TTC28: variants seen among roughly 807,000 people sequenced by gnomAD.
TTC28 encodes the protein tetratricopeptide repeat domain 28.
Under a neutral mutation model 198.0 loss-of-function variants are expected in TTC28, and 61 were observed. The ratio of observed to expected loss-of-function variants is 0.31; its 90% CI spans 0.25 to 0.38. The LOEUF (loss-of-function observed/expected upper bound fraction) is 0.38, where lower values mean the gene tolerates loss of function less well. TTC28 is among the 10% of genes least tolerant of loss of function. TTC28 has a pLI of 1.00. For missense variants in TTC28, 2,678 were observed against 3,164.0 expected (o/e 0.85, Z 3.69); for synonymous variants, 1,171 against 1,297.8 (o/e 0.90, Z 2.10).
At chr22:28,446,847 T>G (rs2047710568) in intron 2 of TTC28, among the ~76,000 whole-genome samples, 1 of 152,198 alleles carries the variant, frequency 6.6e-6, no homozygotes, top group South Asian at 2.1e-4. Flanking sequence ...TGCAGAGCAT[T>G]GAAGCTATAA....
chr22:28,452,389 C>CAAAAAAAAAAAA (rs71194768), intron 2 of TTC28, among the ~76,000 whole-genome samples: 1 of 43,226 alleles, frequency 2.3e-5, no homozygotes, highest in African/African-American at 9.4e-5. Flanking sequence ...GATTCCATCT[C>CAAAAAAAAAAAA]AAAAAAAAAA....
At chr22:28,337,332 G>A (rs2045744782) in intron 2 of TTC28, among the ~76,000 whole-genome samples, 2 of 152,218 alleles carry the variant, frequency 1.3e-5, no homozygotes, top group South Asian at 4.1e-4. Context: ...TTGGGGTGGA[G>A]AGTTCTGTAG....
At position 28,483,127 on chromosome 22, in the gene TTC28, G is replaced by A. The variant is rs918958824; in HGVS notation, c.381+146425C>T. On this transcript the variant is annotated intron_variant, in intron 2 of 22. Transcript: ENST00000397906. ...ATGTTTAACTTTTTGAGGAATGGCC[G>A]AGCTGTTTTCCACAGTCAAGCAAGC... 6.6e-5 allele frequency among the ~76,000 whole-genome samples: 10 copies of A among 152,124 alleles called. No individual in the cohort carries two copies. The East Asian group carries it at 9.6e-4, about 15-fold the overall frequency.
At chr22:28,512,341 T>A (rs1014758505) in intron 2 of TTC28, among the ~76,000 whole-genome samples, 1 of 152,184 alleles carries the variant, frequency 6.6e-6, no homozygotes, top group African/African-American at 2.4e-5. Flanking sequence ...TGTAAATTAG[T>A]TCAACCATTA....
intron 2 of TTC28, among the ~76,000 whole-genome samples, chr22:28,427,806 T>G (rs1043770292): frequency 6.6e-6 from 1 of 151,578 alleles, no homozygotes; most frequent in Non-Finnish European, 1.5e-5. Context: ...TAAATTAAAG[T>G]CAAATTCAGG....
chr22:28,155,687 G>A (rs993159377), intron 6 of TTC28, among the ~76,000 whole-genome samples: 1 of 152,174 alleles, frequency 6.6e-6, no homozygotes, highest in South Asian at 2.1e-4. Context: ...CCAATGTGGT[G>A]AGATTAGTGA....
chr22:28,092,088 T>C (rs1941832263), intron 12 of TTC28, among the ~76,000 whole-genome samples: 1 of 152,344 alleles, frequency 6.6e-6, no homozygotes, highest in African/African-American at 2.4e-5. Flanking sequence ...CCCATGCTTC[T>C]TGTCAACCTT....
chr22:28,295,564 A>C (rs1393652593), intron 5 of TTC28, among the ~76,000 whole-genome samples: 2 of 152,202 alleles, frequency 1.3e-5, no homozygotes, highest in Non-Finnish European at 2.9e-5. Context: ...ACTACCCCCA[A>C]GATCCCACAG....
chr22:28,166,425 T>G (rs547297227), intron 5 of TTC28, among the ~76,000 whole-genome samples: 31 of 152,316 alleles, frequency 2.0e-4, no homozygotes, highest in African/African-American at 7.5e-4. Flanking sequence ...TGGTTGGAAG[T>G]AAAGCACTCC....
In TTC28 at chr22:28,030,333, C is replaced by T. The variant is rs17483998; in HGVS notation, c.3966G>A (p.Ala1322=). ...ACASSETESE[A]GDIMDQQFEE... ...CAAATTGCTGGTCCATGATGTCTCC[C>T]GCTTCACTCTCTGTCTCACTGCTGG... is the stretch of plus-strand genomic sequence containing the variant. The change falls in exon 13 of 23, where the codon GCG becomes GCA. Residue 1322 remains alanine (A), a synonymous_variant. Transcript: ENST00000397906. 0.028 allele frequency: 44,186 copies of T among 1,551,762 alleles called. 682 individuals carry two copies. Among genetic ancestry groups the T allele is most frequent in the Non-Finnish European group, 0.032 (36,230 of 1,147,010 alleles).
intron 2 of TTC28, among the ~76,000 whole-genome samples, chr22:28,402,069 C>T (rs1285560646): frequency 1.3e-5 from 2 of 152,278 alleles, no homozygotes; most frequent in Middle Eastern, 3.4e-3. Context: ...TATGTACTCC[C>T]AAAGAATACA....
chr22:28,320,303 A>G (rs931752681), intron 2 of TTC28, among the ~76,000 whole-genome samples: 5 of 150,620 alleles, frequency 3.3e-5, no homozygotes, highest in African/African-American at 1.2e-4. Context: ...CATTTCCTAC[A>G]CTACACCCAT....
intron 2 of TTC28, among the ~76,000 whole-genome samples, chr22:28,432,749 T>C (rs2047452230): frequency 6.6e-6 from 1 of 152,260 alleles, no homozygotes; most frequent in African/African-American, 2.4e-5. Flanking sequence ...TAAGTTATTC[T>C]ACCTTTATTG....
chr22:28,151,558 T>C (rs1410508416), intron 6 of TTC28, among the ~76,000 whole-genome samples: 1 of 152,196 alleles, frequency 6.6e-6, no homozygotes, highest in Non-Finnish European at 1.5e-5. Context: ...TGACAAATCT[T>C]GACCTAAAGG....
In TTC28 at chr22:28,014,266, G is replaced by A; in HGVS notation, c.4200C>T (p.Leu1400=). 6.4e-7 allele frequency: 1 copy of A among 1,551,366 alleles called. No homozygotes were observed. The highest frequency in any genetic ancestry group is 8.7e-7 in the Non-Finnish European group (1 of 1,146,826). ...TGCTTACCCCTTCCATGGGCGCGATGAGCAGGTCATACAGGGCACGGAGCG... is the reference window on the plus strand; with the variant it reads ...TGCTTACCCCTTCCATGGGCGCGATAAGCAGGTCATACAGGGCACGGAGCG... ...KPPLRALYDL[L]IAPMEGGLMH... is the part of the protein sequence containing the mutation. The change falls in exon 14 of 23, where the codon CTC becomes CTT. Residue 1400 remains leucine, a synonymous_variant. Transcript: ENST00000397906.
rs576217837 is a variant in TTC28, at chr22:28,364,997, T to C, written c.382-58354A>G. Among the ~76,000 whole-genome samples, 8 of 152,322 alleles carry C rather than the reference T, an allele frequency of 5.3e-5. No individual in the cohort carries two copies. The South Asian group carries it at 1.2e-3, about 24-fold the overall frequency. On this transcript the variant is annotated intron_variant, in intron 2 of 22. Coordinates refer to ENST00000397906, the MANE Select transcript of TTC28 (RefSeq NM_001145418.2). ...AATTTCTACTGTGGGTAAAATACTA[T>C]CAAACAGCATTGCATGCTACAGAGA...
intron 5 of TTC28, among the ~76,000 whole-genome samples, chr22:28,208,623 A>G (rs1236737134): frequency 6.6e-6 from 1 of 152,216 alleles, no homozygotes; most frequent in Non-Finnish European, 1.5e-5. Flanking sequence ...TCACTCATAC[A>G]ATGATAACTT....
rs143359460 is a variant in TTC28 at position 28,079,035 on chromosome 22, G to A, written c.3932+15045C>T. Reference sequence around the variant, plus strand: ...TATAGGTGCTGTTGAAGGGTGGGCAGAGGCTAGATCACACAGGCATACAGG... The same window carrying A: ...TATAGGTGCTGTTGAAGGGTGGGCAAAGGCTAGATCACACAGGCATACAGG... On this transcript the variant is annotated intron_variant, in intron 12 of 22. Coordinates refer to ENST00000397906, the MANE Select transcript of TTC28 (RefSeq NM_001145418.2). 3.3e-5 allele frequency among the ~76,000 whole-genome samples: 5 copies of A among 152,350 alleles called. No individual in the cohort carries two copies. The East Asian group carries it at 9.6e-4, about 29-fold the overall frequency.
intron 5 of TTC28, among the ~76,000 whole-genome samples, chr22:28,259,995 A>G (rs1931209435): frequency 6.6e-6 from 1 of 152,126 alleles, no homozygotes; most frequent in Non-Finnish European, 1.5e-5. Flanking sequence ...CTGTCTATGC[A>G]TTTATCAGGA....
Sources: allele counts gnomAD v4.1 joint callset (sites outside exome capture counted in the v4.1 genomes callset), GRCh38; gene constraint gnomAD v4.1.1; transcripts MANE v1.5; gene names NCBI Gene and HGNC (gene_info 2026-07-23, HGNC 2026-07-21).